Variants in BCAR1 observed in about 807,000 individuals in gnomAD.
BCAR1 encodes breast cancer anti-estrogen resistance protein 1.
In BCAR1, 30 loss-of-function variants were observed where a neutral mutation model predicts 67.6. That is an observed-to-expected ratio of 0.44 (90% CI 0.33 to 0.60). BCAR1 has a LOEUF of 0.60. BCAR1 is among the 20% of genes least tolerant of loss of function. BCAR1 has a pLI of 0.02. For synonymous variants in BCAR1, 626 were observed against 556.7 expected (o/e 1.12, Z -1.75); for missense variants, 1,313 against 1,222.3 (o/e 1.07, Z -1.11).
At chr16:75,253,137 C>A (rs1219659711), upstream of BCAR1, among the ~76,000 whole-genome samples, 1 of 152,162 alleles carries the variant, frequency 6.6e-6, no homozygotes, top group Admixed American at 6.5e-5. Context: ...AGAAGAGGAG[C>A]CAGCCTTCAG....
intron 1 of BCAR1, among the ~76,000 whole-genome samples, chr16:75,243,884 CGCTGCT>C (rs1241533463): frequency 7.2e-5 from 11 of 152,356 alleles, no homozygotes; most frequent in African/African-American, 2.6e-4. Context: ...TCGCCCCTGC[CGCTGCT>C]GCCCCATCGA....
At position 75,234,940 on chromosome 16, in the gene BCAR1, G is replaced by A. The variant is rs914192217; in HGVS notation, c.1959C>T (p.Tyr653=). The A allele has an allele frequency of 8.9e-6, 14 of 1,575,466 alleles. No homozygotes were observed. Among genetic ancestry groups the A allele is most frequent in the South Asian group, 2.3e-5 (2 of 85,300 alleles). Residue 653 remains tyrosine (Y), a synonymous_variant, in exon 5 of 7, where the codon TAC becomes TAT. Coordinates refer to ENST00000162330, the MANE Select transcript of BCAR1 (RefSeq NM_014567.5). The part of the protein sequence containing the change: ...FTSQDSPDGQ[Y]ENSEGGWMED... ...CCATCCAGCCCCCCTCGCTGTTCTC[G>A]TACTGCCCATCTGGCGAGTCCTGGG...
Position 75,250,744 on chromosome 16 carries a change from C to A in BCAR1, c.12+727G>T, listed in dbSNP as rs551385355. ...GCTCTAGCTCTTGCGGGTCCCCCAA[C>A]CATGGACTCCAAAGCCTTCATGTCC... On this transcript the variant is annotated intron_variant, in intron 1 of 6. Transcript: ENST00000162330. 9.1e-4 allele frequency: 892 copies of A among 985,570 alleles called. 2 individuals are homozygous for A. The highest frequency in any genetic ancestry group is 1.0e-3 in the Non-Finnish European group (863 of 830,028). 61.1% of individuals were successfully genotyped at this position (985,570 alleles called of 1,614,324 possible). A position where few individuals can be genotyped will look rare whatever the true frequency, so the allele number is the denominator to read the frequency against.
Position 75,235,907 on chromosome 16 carries a change from G to A in BCAR1, c.992C>T (p.Pro331Leu), listed in dbSNP as rs1030581499. ...AAAGGGCTTGGCCTTGGCGAAGGCG[G>A]GGGGCACATCGTAGGTCTCCTCACG... ...LLREETYDVP[P>L]AFAKAKPFDP... The change falls in exon 5 of 7, where the codon CCC becomes CTC. Residue 331 changes from proline (P) to leucine (L), a missense_variant. Coordinates refer to ENST00000162330, the MANE Select transcript of BCAR1 (RefSeq NM_014567.5). 6.4e-7 allele frequency: 1 copy of A among 1,565,872 alleles called. No homozygotes were observed.
At position 75,230,003 on chromosome 16, in the gene BCAR1, C is replaced by T. The variant is rs2076840073; in HGVS notation, c.2121G>A (p.Leu707=). 1 of 1,544,874 alleles carries T rather than the reference C, an allele frequency of 6.5e-7. No individual in the cohort carries two copies. The highest frequency in any genetic ancestry group is 1.3e-5 in the South Asian group (1 of 79,956). The change falls in exon 7 of 7, where the codon CTG becomes CTA. Residue 707 remains leucine (L), a synonymous_variant. Transcript: ENST00000162330. ...ELQQLKQFER[L]EQEVSRPIDH... is the part of the protein sequence containing the mutation. ...CTATGGGCCGTGACACCTCCTGTTC[C>T]AGTCGTTCAAACTGCTTCAGCTGGG... is the stretch of plus-strand genomic sequence containing the variant.
At chr16:75,259,936 G>A (rs1053961770) in intron 1 of BCAR1, among the ~76,000 whole-genome samples, 1 of 151,790 alleles carries the variant, frequency 6.6e-6, no homozygotes, top group African/African-American at 2.4e-5. Context: ...GCCCACGCCT[G>A]TAATCCTGGC....
At position 75,238,204 on chromosome 16, in the gene BCAR1, G is replaced by A. The variant is rs556821060; in HGVS notation, c.634-860C>T. Reference sequence around the variant, plus strand: ...CACCAGCACCAGCCTGAAGCGGGTAGGGGCCATGCCAGGCAGCCTCCTTCC... The same window carrying A: ...CACCAGCACCAGCCTGAAGCGGGTAAGGGCCATGCCAGGCAGCCTCCTTCC... On this transcript the variant is annotated intron_variant, in intron 2 of 6. Coordinates refer to ENST00000162330, the MANE Select transcript of BCAR1 (RefSeq NM_014567.5). 8.3e-6 allele frequency: 10 copies of A among 1,210,354 alleles called. No homozygotes were observed. In the South Asian group the frequency reaches 8.7e-5, roughly 11 times the overall value. 75.0% of individuals were successfully genotyped at this position (1,210,354 alleles called of 1,614,324 possible). A position where few individuals can be genotyped will look rare whatever the true frequency, so the allele number is the denominator to read the frequency against.
intron 1 of BCAR1, chr16:75,249,145 G>C (rs1467474752): frequency 6.6e-6 from 1 of 152,330 alleles, no homozygotes; most frequent in Non-Finnish European, 1.5e-5. Context: ...CTGCAGGCAG[G>C]ATCAGCGGTG....
chr16:75,228,700 G>A lies in BCAR1; in HGVS notation c.*811C>T, dbSNP rs1434834812. 1 of 152,338 alleles carries A rather than the reference G, an allele frequency of 6.6e-6. No homozygotes were observed. Among genetic ancestry groups the A allele is most frequent in the Non-Finnish European group, 1.5e-5 (1 of 68,104 alleles). 9.4% of individuals were successfully genotyped at this position (152,338 alleles called of 1,614,324 possible). A position where few individuals can be genotyped will look rare whatever the true frequency, so the allele number is the denominator to read the frequency against. The stretch of plus-strand genomic sequence containing the variant: ...TGCCCTCACTCCAGATGCCAGCTGT[G>A]GGCATGGGCAGGTGCTCACTGTGGC... On this transcript the variant is annotated 3_prime_UTR_variant, in exon 7 of 7. Coordinates refer to ENST00000162330, the MANE Select transcript of BCAR1 (RefSeq NM_014567.5).
Position 75,229,962 on chromosome 16 carries a change from T to C in BCAR1, c.2162A>G (p.Asn721Ser). The C allele has an allele frequency of 6.3e-7, 1 of 1,594,648 alleles. No individual in the cohort carries two copies. The highest frequency in any genetic ancestry group is 8.6e-7 in the Non-Finnish European group (1 of 1,168,036). The change falls in exon 7 of 7, where the codon AAC becomes AGC. Residue 721 changes from asparagine to serine, a missense_variant. By Grantham distance (46) the Asn-to-Ser change is conservative. Coordinates refer to ENST00000162330, the MANE Select transcript of BCAR1 (RefSeq NM_014567.5). ...VSRPIDHDLA[N>S]WTPAQPLAPG... ...GGCCAGGGGTTGGGCTGGCGTCCAG[T>C]TGGCCAGGTCGTGGTCTATGGGCCG...
At chr16:75,260,161 TC>T (rs1163507414) in intron 1 of BCAR1, among the ~76,000 whole-genome samples, 2 of 152,036 alleles carry the variant, frequency 1.3e-5, no homozygotes, top group East Asian at 1.9e-4. Context: ...GTCACTGCAC[TC>T]CAGCCTGGGT....
At position 75,230,032 on chromosome 16, in the gene BCAR1, G is replaced by T; in HGVS notation, c.2101-9C>A. 1 of 1,524,788 alleles carries T rather than the reference G, an allele frequency of 6.6e-7. No homozygotes were observed. Among genetic ancestry groups the T allele is most frequent in the South Asian group, 1.3e-5 (1 of 76,552 alleles). 94.5% of individuals were successfully genotyped at this position (1,524,788 alleles called of 1,614,324 possible). On this transcript the variant is annotated splice_polypyrimidine_tract_variant and intron_variant, in intron 6 of 6. Coordinates refer to ENST00000162330, the MANE Select transcript of BCAR1 (RefSeq NM_014567.5). ...CGTTCAAACTGCTTCAGCTGGGGCA[G>T]GAGGGAAGCAGGAGCAGGGTTAGGC...
At position 75,235,890 on chromosome 16, in the gene BCAR1, T is replaced by G. The variant is rs1006280130; in HGVS notation, c.1009A>C (p.Lys337Gln). The G allele has an allele frequency of 4.5e-6, 7 of 1,563,568 alleles. No homozygotes were observed. In the African/African-American group the frequency reaches 9.5e-5, roughly 21 times the overall value. The change falls in exon 5 of 7, where the codon AAG becomes CAG. Residue 337 changes from lysine to glutamine, a missense_variant. Physicochemically the swap from Lys to Gln is moderately conservative, Grantham distance 53 (BLOSUM62 1). Around this residue, in one of 2 missense-constraint regions of BCAR1, gnomAD observed 1,272 missense variants for 1,137.5 expected, o/e 1.12. Transcript: ENST00000162330. ...GGGGTGCGGGCCGGGTCAAAGGGCT[T>G]GGCCTTGGCGAAGGCGGGGGGCACA... is the stretch of plus-strand genomic sequence containing the variant. The part of the protein sequence containing the change: ...YDVPPAFAKA[K>Q]PFDPARTPLV...
At chr16:75,239,214 C>T (rs2077249497) in intron 2 of BCAR1, 1 of 743,082 alleles carries the variant, frequency 1.3e-6, no homozygotes, top group South Asian at 6.0e-5. Flanking sequence ...CACCTGAGAC[C>T]CCACTAGCAG....
chr16:75,233,351 T>TGAC (rs2076968075), intron 6 of BCAR1, among the ~76,000 whole-genome samples: 1 of 151,598 alleles, frequency 6.6e-6, no homozygotes, highest in Non-Finnish European at 1.5e-5. Context: ...CTAGCCTGTG[T>TGAC]GACAGAACAA....
rs1035570117 is a variant in BCAR1 at position 75,229,400 on chromosome 16, G to A, written c.*111C>T. 25 of 1,393,792 alleles carry A rather than the reference G, an allele frequency of 1.8e-5. No homozygotes were observed. The highest frequency in any genetic ancestry group is 7.3e-5 in the African/African-American group (5 of 68,878). The allele number at this position is 1,393,792 out of a possible 1,614,324, so 86.3% of individuals were successfully genotyped here. A position where few individuals can be genotyped will look rare whatever the true frequency, so the allele number is the denominator to read the frequency against. ...GGGCATCCAGGGCACCAGGACCGAC[G>A]CAGAGCTGGGGTCCTGTCCCTAAGC... is the stretch of plus-strand genomic sequence containing the variant. On this transcript the variant is annotated 3_prime_UTR_variant, in exon 7 of 7. Transcript: ENST00000162330.
At chr16:75,258,960 G>A (rs556758225) in intron 1 of BCAR1, among the ~76,000 whole-genome samples, 1 of 152,262 alleles carries the variant, frequency 6.6e-6, no homozygotes, top group African/African-American at 2.4e-5. Flanking sequence ...CGTGGCCTGG[G>A]AAGGAGGAGG....
rs2077096470 is a variant in BCAR1, at chr16:75,235,693, A to G, written c.1206T>C (p.Gly402=). Residue 402 remains glycine, a synonymous_variant, in exon 5 of 7, where the codon GGT becomes GGC. Coordinates refer to ENST00000162330, the MANE Select transcript of BCAR1 (RefSeq NM_014567.5). Reference sequence around the variant, plus strand: ...CATACACACCACTGTCGACCACGCCACCATCAGCCACCTCAGGAGGAAGCA... The same window carrying G: ...CATACACACCACTGTCGACCACGCCGCCATCAGCCACCTCAGGAGGAAGCA... The part of the protein sequence containing the change: ...ERVLPPEVAD[G]GVVDSGVYAV... The G allele has an allele frequency of 6.2e-7, 1 of 1,611,486 alleles. No homozygotes were observed. Among genetic ancestry groups the G allele is most frequent in the East Asian group, 2.2e-5 (1 of 44,852 alleles).
At chr16:75,256,523 G>T (rs869130063), upstream of BCAR1, among the ~76,000 whole-genome samples, 3 of 150,024 alleles carry the variant, frequency 2.0e-5, no homozygotes, top group African/African-American at 7.3e-5. Context: ...ATGGGGGGGG[G>T]TGGGGCCTCC....
Sources: gnomAD v4.1 joint callset for allele counts (sites outside exome capture counted in the v4.1 genomes callset) on GRCh38, gnomAD v4.1.1 for gene constraint, gnomAD v4.1.1 regional missense constraint, MANE v1.5 for transcripts, NCBI Gene and HGNC (gene_info 2026-07-23, HGNC 2026-07-21) for gene names.